Variants in KIF17 observed in about 807,000 individuals in gnomAD.
KIF17 encodes kinesin-like protein KIF17.
Under a neutral mutation model 96.8 loss-of-function variants are expected in KIF17, and 80 were observed. That is an observed-to-expected ratio of 0.83 (90% CI 0.69 to 1.00). KIF17 has a LOEUF of 1.00. Among genes scored for constraint, KIF17 ranks in the 50% least tolerant of loss-of-function variants. KIF17 has a pLI of 0.00. For synonymous variants in KIF17, 567 were observed against 587.5 expected (o/e 0.97, Z 0.51); for missense variants, 1,280 against 1,372.9 (o/e 0.93, Z 1.07).
intron 7 of KIF17, among the ~76,000 whole-genome samples, chr1:20,689,519 T>C (rs1048847070): frequency 1.3e-5 from 2 of 151,996 alleles, no homozygotes; most frequent in African/African-American, 4.8e-5. Flanking sequence ...GGTGTGGTAG[T>C]GTGCACCTGT....
In KIF17 at chr1:20,714,704, G is replaced by A. The variant is rs531517657; in HGVS notation, c.378+789C>T. Among the ~76,000 whole-genome samples the A allele has an allele frequency of 2.0e-5, 3 of 147,172 alleles. No homozygotes were observed. In the South Asian group the frequency reaches 6.6e-4, roughly 32 times the overall value. On this transcript the variant is annotated intron_variant, in intron 2 of 14. Transcript: ENST00000400463. ...CCCAGCTACTCGGGAAGCTGAGGCA[G>A]GAGAATTGCTTGAATCTGGGAGGCA...
At position 20,670,499 on chromosome 1, in the gene KIF17, A is replaced by C. The variant is rs746944324; in HGVS notation, c.2723-11T>G. ...GTGGCCCAGTTGAAACTGCTATGAG[A>C]AAACAAAAGCTGAAGTCACTGCTGC... On this transcript the variant is annotated splice_polypyrimidine_tract_variant and intron_variant, in intron 12 of 14. Transcript: ENST00000400463. 3 of 1,613,924 alleles carry C rather than the reference A, an allele frequency of 1.9e-6. No individual in the cohort carries two copies. The Middle Eastern group carries it at 4.9e-4, about 266-fold the overall frequency.
intron 11 of KIF17, among the ~76,000 whole-genome samples, chr1:20,679,752 T>C (rs2053798744): frequency 6.6e-6 from 1 of 152,056 alleles, no homozygotes; most frequent in Non-Finnish European, 1.5e-5. Flanking sequence ...TTGGACTAAA[T>C]TGTGCCAACA....
intron 6 of KIF17, among the ~76,000 whole-genome samples, chr1:20,692,071 T>C (rs1170938996): frequency 6.6e-6 from 1 of 152,202 alleles, no homozygotes; most frequent in African/African-American, 2.4e-5. Context: ...GATCTGCTAA[T>C]GGTATCCCAT....
chr1:20,692,906 T>G (rs2054067391), intron 6 of KIF17: 2 of 151,568 alleles, frequency 1.3e-5, no homozygotes, highest in Non-Finnish European at 1.5e-5. Flanking sequence ...CCTGAGTAGC[T>G]GGGACTACAG....
intron 6 of KIF17, among the ~76,000 whole-genome samples, chr1:20,695,130 ACACACACG>A (rs955999475): frequency 6.8e-5 from 10 of 147,802 alleles, no homozygotes; most frequent in African/African-American, 2.5e-4. Context: ...ACACACACGC[ACACACACG>A]CACACACACA....
Position 20,704,481 on chromosome 1 carries a change from G to C in KIF17, c.1089C>G (p.Ile363Met), listed in dbSNP as rs368449465. 8.7e-6 allele frequency: 14 copies of C among 1,614,072 alleles called. No individual in the cohort carries two copies. The highest frequency in any genetic ancestry group is 8.3e-5 in the Admixed American group (5 of 60,014). The change falls in exon 5 of 15, where the codon ATC (isoleucine) becomes ATG (methionine). Residue 363 changes from isoleucine to methionine, a missense_variant. Ile to Met is a conservative substitution (Grantham distance 10). Transcript: ENST00000400463. This position sits in a 1 kb window ranked among gnomAD's most constrained non-coding sequence, Gnocchi z 6.8. ...TGCTGGGGCTCATCTGCTGTGTCAGGATGGCCTTGAGCTTCTTGATCTCCT... is the reference window on the plus strand; with the variant it reads ...TGCTGGGGCTCATCTGCTGTGTCAGCATGGCCTTGAGCTTCTTGATCTCCT... ...YQEEIKKLKA[I>M]LTQQMSPSSL...
In KIF17 at chr1:20,682,252, T is replaced by C. The variant is rs369196898; in HGVS notation, c.2463+401A>G. Among the ~76,000 whole-genome samples the C allele has an allele frequency of 4.6e-5, 7 of 152,314 alleles. 1 individual carries two copies. The highest frequency in any genetic ancestry group is 1.7e-4 in the African/African-American group (7 of 41,566). On this transcript the variant is annotated intron_variant, in intron 11 of 14. Transcript: ENST00000400463. The stretch of plus-strand genomic sequence containing the variant: ...AGCTCCACAGCGACAGGGACACATC[T>C]GTCACTGTGACTGCTCTGCCTGCCA...
At chr1:20,679,461 CAG>C (rs891066256) in intron 11 of KIF17, among the ~76,000 whole-genome samples, 7 of 152,276 alleles carry the variant, frequency 4.6e-5, no homozygotes, top group African/African-American at 1.7e-4. Context: ...GCCTGGGCGA[CAG>C]AGTGAGACCC....
At position 20,672,687 on chromosome 1, in the gene KIF17, C is replaced by A. The variant is rs1332444895; in HGVS notation, c.2464-491G>T. Among the ~76,000 whole-genome samples the A allele has an allele frequency of 6.6e-6, 1 of 152,210 alleles. No individual in the cohort carries two copies. The highest frequency in any genetic ancestry group is 1.5e-5 in the Non-Finnish European group (1 of 68,036). On this transcript the variant is annotated intron_variant, in intron 11 of 14. Coordinates refer to ENST00000400463, the MANE Select transcript of KIF17 (RefSeq NM_001122819.3). This position sits in a 1 kb window ranked among gnomAD's most constrained non-coding sequence, Gnocchi z 4.3. ...ATCCTCACTCTCCCACTGCCACAGC[C>A]CTGTGTGACGGTGTGACAAACACTG...
At chr1:20,701,763 C>G (rs1302429266) in intron 5 of KIF17, among the ~76,000 whole-genome samples, 1 of 152,184 alleles carries the variant, frequency 6.6e-6, no homozygotes, top group Non-Finnish European at 1.5e-5. Flanking sequence ...TGCCCCAGGA[C>G]AGTCACCGGG....
intron 13 of KIF17, among the ~76,000 whole-genome samples, chr1:20,668,569 A>T (rs1429263071): frequency 1.3e-5 from 2 of 152,154 alleles, no homozygotes; most frequent in Non-Finnish European, 2.9e-5. Flanking sequence ...GACCACCATG[A>T]GTGGCCCCTT....
chr1:20,689,814 A>G (rs67017818), intron 7 of KIF17, among the ~76,000 whole-genome samples: 19,969 of 152,132 alleles, frequency 0.13, 1,468 homozygotes, highest in East Asian at 0.25. Flanking sequence ...CGGGGCAGGG[A>G]CTGGCCTCTA....
rs1275396337 is a variant in KIF17 at position 20,685,411 on chromosome 1, G to A, written c.2020-391C>T. ...TGCCTCCACGGCCTCCCCCGCCACCGTGGCCTCCTTTTCCATTGCTAAGAA... is the reference window on the plus strand; with the variant it reads ...TGCCTCCACGGCCTCCCCCGCCACCATGGCCTCCTTTTCCATTGCTAAGAA... On this transcript the variant is annotated intron_variant, in intron 9 of 14. Transcript: ENST00000400463. The surrounding 1 kb of genome is among the most constrained non-coding windows in gnomAD (Gnocchi z 4.1). The A allele has an allele frequency of 3.3e-5, 13 of 397,230 alleles. No homozygotes were observed. The highest frequency in any genetic ancestry group is 1.7e-4 in the African/African-American group (8 of 48,204). The allele number at this position is 397,230 out of a possible 1,614,324, so 24.6% of individuals were successfully genotyped here.
chr1:20,704,961 C>G lies in KIF17; in HGVS notation c.671-62G>C. On this transcript the variant is annotated intron_variant, in intron 4 of 14. Transcript: ENST00000400463. The surrounding 1 kb of genome is among the most constrained non-coding windows in gnomAD (Gnocchi z 6.8). ...GTGAGCCCTATGTATCGAGGGCAATCAGTGCCAGGCACTGGGTGCTCAATG... is the reference window on the plus strand; with the variant it reads ...GTGAGCCCTATGTATCGAGGGCAATGAGTGCCAGGCACTGGGTGCTCAATG... 1 of 1,469,044 alleles carries G rather than the reference C, an allele frequency of 6.8e-7. No individual in the cohort carries two copies. Among genetic ancestry groups the G allele is most frequent in the Non-Finnish European group, 9.4e-7 (1 of 1,065,814 alleles). The allele number at this position is 1,469,044 out of a possible 1,614,324, so 91.0% of individuals were successfully genotyped here.
chr1:20,717,676 G>A lies in KIF17; in HGVS notation c.31C>T (p.Arg11Cys). The change falls in exon 1 of 15, where the codon CGC (arginine) becomes TGC (cysteine). Residue 11 changes from arginine (R) to cysteine (C), a missense_variant. Transcript: ENST00000400463. ...TCCCGCTGGTTCATGGGACGGCAGC[G>A]CACGACAACCTTCACCGCCTCGGAG... is the stretch of plus-strand genomic sequence containing the variant. MASEAVKVVV[R>C]CRPMNQRERE... The A allele has an allele frequency of 4.4e-6, 7 of 1,600,668 alleles. No homozygotes were observed. Among genetic ancestry groups the A allele is most frequent in the Non-Finnish European group, 5.9e-6 (7 of 1,178,242 alleles).
At chr1:20,684,665 G>A (rs1050756769) in intron 10 of KIF17, 144 bp downstream of exon 10, 2 of 786,624 alleles carry the variant, frequency 2.5e-6, no homozygotes, top group Non-Finnish European at 4.2e-6. Context: ...AGTCCCCACT[G>A]CGCCTGGAGA....
intron 5 of KIF17, among the ~76,000 whole-genome samples, chr1:20,703,307 G>A (rs995139362): frequency 2.0e-5 from 3 of 152,108 alleles, no homozygotes; most frequent in African/African-American, 7.2e-5. Flanking sequence ...ATGGATGGAA[G>A]AAAGGATCAG....
At chr1:20,696,774 G>A (rs2054148466) in intron 6 of KIF17, among the ~76,000 whole-genome samples, 1 of 152,086 alleles carries the variant, frequency 6.6e-6, no homozygotes, top group African/African-American at 2.4e-5. Flanking sequence ...GCCCCGCTGT[G>A]TGACTCCATG....
Sources: allele counts gnomAD v4.1 joint callset (sites outside exome capture counted in the v4.1 genomes callset), GRCh38; gene constraint gnomAD v4.1.1; non-coding constraint Gnocchi (gnomAD v3.1); transcripts MANE v1.5; gene names NCBI Gene and HGNC (gene_info 2026-07-23, HGNC 2026-07-21).